MTMR2: variants seen among roughly 807,000 people sequenced by gnomAD.
MTMR2 encodes the protein phosphatidylinositol-3,5-bisphosphate 3-phosphatase MTMR2.
Under a neutral mutation model 86.9 loss-of-function variants are expected in MTMR2, and 55 were observed. The observed-to-expected ratio is 0.63, with a 90% CI of 0.51 to 0.79. The LOEUF is 0.79. Ranked by LOEUF, MTMR2 falls within the 30% of genes least tolerant of loss-of-function variation. The pLI, the probability that MTMR2 is intolerant of heterozygous loss-of-function variation, is 0.00. For missense variants in MTMR2, 659 were observed against 772.3 expected, an observed-to-expected ratio of 0.85 and a Z score of 1.74; for synonymous variants, 241 against 266.8, an observed-to-expected ratio of 0.90 and a Z score of 0.94.
chr11:95,835,943 T>G (rs1158124203), intron 14 of MTMR2, among the ~76,000 whole-genome samples: 1 of 152,028 alleles, frequency 6.6e-6, no homozygotes. Context: ...CAGTGATTTG[T>G]CCAATGTCAT....
chr11:95,871,483 T>C (rs1864879938), intron 2 of MTMR2, among the ~76,000 whole-genome samples: 1 of 152,236 alleles, frequency 6.6e-6, no homozygotes, highest in Non-Finnish European at 1.5e-5. Flanking sequence ...ATTTCTCTGA[T>C]GGCCAGTGAT....
chr11:95,877,790 T>C (rs1189281683), intron 2 of MTMR2, among the ~76,000 whole-genome samples: 1 of 152,034 alleles, frequency 6.6e-6, no homozygotes, highest in Non-Finnish European at 1.5e-5. Flanking sequence ...CATGAGCAGC[T>C]AGGAGAAAGG....
At chr11:95,851,431 T>C (rs954110588) in intron 7 of MTMR2, among the ~76,000 whole-genome samples, 1 of 152,010 alleles carries the variant, frequency 6.6e-6, no homozygotes, top group East Asian at 1.9e-4. Context: ...TGGCGCGATC[T>C]TGGCTACTGC....
intron 2 of MTMR2, among the ~76,000 whole-genome samples, chr11:95,879,988 G>A (rs2135527733): frequency 6.6e-6 from 1 of 151,788 alleles, no homozygotes; most frequent in East Asian, 1.9e-4. Flanking sequence ...CATATTTTCT[G>A]CATATTTAAG....
At chr11:95,856,510 T>C (rs1011672651) in intron 7 of MTMR2, among the ~76,000 whole-genome samples, 2 of 151,306 alleles carry the variant, frequency 1.3e-5, no homozygotes, top group Non-Finnish European at 2.9e-5. Context: ...TTAGACCTTT[T>C]AGTTGACTCA....
At chr11:95,902,571 T>G (rs1045524167) in intron 1 of MTMR2, among the ~76,000 whole-genome samples, 2 of 152,102 alleles carry the variant, frequency 1.3e-5, no homozygotes, top group African/African-American at 2.4e-5. Context: ...CAGATTCTAA[T>G]CCCCCTTCTC....
intron 11 of MTMR2, among the ~76,000 whole-genome samples, chr11:95,844,216 C>T (rs541403995): frequency 1.4e-4 from 21 of 152,164 alleles, no homozygotes; most frequent in Non-Finnish European, 2.8e-4. Flanking sequence ...TTTAAATGGC[C>T]GTTTCATGAT....
chr11:95,904,502 G>A (rs977248140), intron 1 of MTMR2, among the ~76,000 whole-genome samples: 15 of 152,124 alleles, frequency 9.9e-5, no homozygotes, highest in African/African-American at 2.9e-4. Flanking sequence ...ATAAGAGGTC[G>A]GCACAAGACA....
chr11:95,867,573 G>A (rs1864662247), intron 2 of MTMR2, among the ~76,000 whole-genome samples: 1 of 152,130 alleles, frequency 6.6e-6, no homozygotes, highest in African/African-American at 2.4e-5. Flanking sequence ...AGCAATACAA[G>A]ATCCTATCTT....
chr11:95,837,642 G>A (rs1863343053), intron 13 of MTMR2, among the ~76,000 whole-genome samples: 1 of 151,842 alleles, frequency 6.6e-6, no homozygotes. Context: ...TTTTTTTATG[G>A]TATTACTTTA....
intron 5 of MTMR2, among the ~76,000 whole-genome samples, chr11:95,860,022 T>G (rs1041125957): frequency 6.6e-6 from 1 of 152,220 alleles, no homozygotes; most frequent in Non-Finnish European, 1.5e-5. Flanking sequence ...TTTTGTTTAT[T>G]GATAACGATC....
At chr11:95,852,606 T>C (rs1346706790) in intron 7 of MTMR2, among the ~76,000 whole-genome samples, 1 of 152,222 alleles carries the variant, frequency 6.6e-6, no homozygotes. Context: ...TCCCTCCTGA[T>C]TTCGTTGACT....
intron 11 of MTMR2, among the ~76,000 whole-genome samples, chr11:95,842,446 A>G (rs1376795216): frequency 2.0e-5 from 3 of 152,184 alleles, no homozygotes; most frequent in Non-Finnish European, 4.4e-5. Context: ...ATGTGTCTTC[A>G]TCAGGAGGAA....
At chr11:95,903,920 C>G (rs1002392805) in intron 1 of MTMR2, among the ~76,000 whole-genome samples, 1 of 152,142 alleles carries the variant, frequency 6.6e-6, no homozygotes, top group African/African-American at 2.4e-5. Context: ...TGACACTACC[C>G]TGGCTAAGAT....
intron 3 of MTMR2, 84 bp downstream of exon 3, chr11:95,865,517 G>C (rs982380131): frequency 1.5e-6 from 2 of 1,293,686 alleles, no homozygotes; most frequent in Non-Finnish European, 2.2e-6. Flanking sequence ...CTGACAGCCA[G>C]TTTATTCTCT....
intron 11 of MTMR2, among the ~76,000 whole-genome samples, chr11:95,842,114 GTC>G (rs1446847587): frequency 6.6e-6 from 1 of 152,102 alleles, no homozygotes; most frequent in Non-Finnish European, 1.5e-5. Flanking sequence ...TTTTCAGAAA[GTC>G]TTTTAAAGAG....
chr11:95,843,190 G>A (rs1336396741), intron 11 of MTMR2, among the ~76,000 whole-genome samples: 1 of 152,032 alleles, frequency 6.6e-6, no homozygotes, highest in South Asian at 2.1e-4. Context: ...TCAATTTTTG[G>A]TGAACTTTTG....
chr11:95,869,207 A>G (rs1009570289), intron 2 of MTMR2, among the ~76,000 whole-genome samples: 1 of 147,610 alleles, frequency 6.8e-6, no homozygotes, highest in African/African-American at 2.6e-5. Context: ...ACTGCACCAT[A>G]AAGAGATTTG....
chr11:95,839,821 T>C (rs943622355), intron 12 of MTMR2, among the ~76,000 whole-genome samples: 2 of 152,280 alleles, frequency 1.3e-5, no homozygotes, highest in South Asian at 4.1e-4. Flanking sequence ...TAATATGCTT[T>C]ATATTCAGGA....
Sources: allele counts gnomAD v4.1 joint callset (sites outside exome capture counted in the v4.1 genomes callset), GRCh38; gene constraint gnomAD v4.1.1; transcripts MANE v1.5; gene names NCBI Gene and HGNC (gene_info 2026-07-23, HGNC 2026-07-21).